DPP6: variants seen among roughly 807,000 people sequenced by gnomAD.
The protein encoded by DPP6 is dipeptidyl peptidase like 6, also known as A-type potassium channel modulatory protein DPP6.
In DPP6, 69 loss-of-function variants were observed where a neutral mutation model predicts 122.6. The observed-to-expected ratio is 0.56, with a 90% CI of 0.46 to 0.69. The LOEUF (loss-of-function observed/expected upper bound fraction) is 0.69. DPP6 is among the 30% of genes least tolerant of loss of function. The probability of loss-of-function intolerance (pLI) is 0.00; values close to 1 mark genes in which losing one functional copy is unlikely to be tolerated. For synonymous variants in DPP6, 418 were observed against 433.1 expected (o/e 0.97, Z 0.43); for missense variants, 928 against 1,116.9 (o/e 0.83, Z 2.41).
At chr7:154,772,698 G>C (rs1020295834) in intron 9 of DPP6, 147 bp from the exon 10 acceptor site, 6 of 1,112,720 alleles carry the variant, frequency 5.4e-6, no homozygotes, top group African/African-American at 1.6e-5. Flanking sequence ...TGAACCATTT[G>C]TTCTCCACAT....
intron 1 of DPP6, among the ~76,000 whole-genome samples, chr7:154,023,318 G>GCACGCACGCACGCACACA (rs373378162): frequency 6.9e-5 from 9 of 129,528 alleles, no homozygotes; most frequent in African/African-American, 2.6e-4. Flanking sequence ...TTTCTTGTCT[G>GCACGCACGCACGCACACA]CACACACACA....
intron 1 of DPP6, among the ~76,000 whole-genome samples, chr7:154,311,200 A>G (rs1471090697): frequency 2.6e-5 from 4 of 152,204 alleles, no homozygotes; most frequent in Non-Finnish European, 4.4e-5. Flanking sequence ...GTAGGTAACC[A>G]TGTCAATTTG....
chr7:154,484,668 T>C (rs1018986175), intron 3 of DPP6, among the ~76,000 whole-genome samples: 5 of 152,264 alleles, frequency 3.3e-5, no homozygotes, highest in Admixed American at 2.0e-4. Flanking sequence ...TGATAGACCA[T>C]GTGGCTGGCA....
At chr7:154,305,401 A>T in intron 1 of DPP6, 1 of 1,273,272 alleles carries the variant, frequency 7.9e-7, no homozygotes, top group Non-Finnish European at 1.0e-6. Context: ...GACTAAAATC[A>T]CACTCCTCCT....
At chr7:154,779,056 C>CACCACCAGCACCACT (rs1796820182) in intron 10 of DPP6, among the ~76,000 whole-genome samples, 15 of 2,984 alleles carry the variant, frequency 5.0e-3, no homozygotes, top group Non-Finnish European at 8.0e-3. Context: ...CTACCCCCAC[C>CACCACCAGCACCACT]ATCACCACCA....
chr7:154,516,461 A>G (rs1826518481), intron 3 of DPP6, among the ~76,000 whole-genome samples: 1 of 152,210 alleles, frequency 6.6e-6, no homozygotes, highest in South Asian at 2.1e-4. Flanking sequence ...GAAATTTCTC[A>G]CATGCACTGA....
chr7:154,415,819 C>G (rs185663921), intron 1 of DPP6, among the ~76,000 whole-genome samples: 2 of 150,936 alleles, frequency 1.3e-5, no homozygotes, highest in East Asian at 3.9e-4. Context: ...AGTTGGACAC[C>G]TCCTTTGAGG....
chr7:154,167,581 C>T (rs1044340423), intron 1 of DPP6, among the ~76,000 whole-genome samples: 3 of 152,184 alleles, frequency 2.0e-5, no homozygotes, highest in African/African-American at 4.8e-5. Flanking sequence ...AGCTCTCTTA[C>T]TTGGTTGGGA....
At chr7:154,185,460 G>T (rs1390013568) in intron 1 of DPP6, among the ~76,000 whole-genome samples, 1 of 152,082 alleles carries the variant, frequency 6.6e-6, no homozygotes, top group Non-Finnish European at 1.5e-5. Flanking sequence ...CAGTGCTTAG[G>T]GTCTAGAAAG....
intron 7 of DPP6, among the ~76,000 whole-genome samples, chr7:154,713,145 T>C (rs10268240): frequency 0.76 from 114,986 of 152,242 alleles, 45,506 homozygotes; most frequent in Non-Finnish European, 0.88. Flanking sequence ...GTTCCAAAAA[T>C]GTGTTTCACG....
intron 8 of DPP6, among the ~76,000 whole-genome samples, chr7:154,751,014 A>G (rs1469293318): frequency 2.6e-5 from 4 of 152,194 alleles, no homozygotes. Context: ...CTTTATCACT[A>G]TAAAATGTTG....
At chr7:154,706,501 T>G (rs1840837622) in intron 7 of DPP6, among the ~76,000 whole-genome samples, 1 of 152,278 alleles carries the variant, frequency 6.6e-6, no homozygotes, top group African/African-American at 2.4e-5. Context: ...AGTCAGCCCC[T>G]GGAGGCTCAG....
intron 1 of DPP6, among the ~76,000 whole-genome samples, chr7:154,301,207 A>G (rs370563595): frequency 1.5e-4 from 23 of 152,316 alleles, no homozygotes; most frequent in Admixed American, 5.9e-4. Context: ...CCACCGCTGC[A>G]GGTAGCTTGG....
intron 1 of DPP6, among the ~76,000 whole-genome samples, chr7:154,427,677 TTTC>T (rs1818025251): frequency 6.6e-6 from 1 of 152,236 alleles, no homozygotes; most frequent in Non-Finnish European, 1.5e-5. Context: ...TTGTTTTTTG[TTTC>T]TTCTGGGTGA....
At chr7:154,581,259 G>A (rs184876155) in intron 5 of DPP6, among the ~76,000 whole-genome samples, 3 of 152,134 alleles carry the variant, frequency 2.0e-5, no homozygotes, top group South Asian at 2.1e-4. Flanking sequence ...TTGTTTGATC[G>A]TGCACTTGGG....
chr7:153,777,243 C>T, the DPP6 span, among the ~76,000 whole-genome samples: 1 of 152,198 alleles, frequency 6.6e-6, no homozygotes, highest in Non-Finnish European at 1.5e-5. Flanking sequence ...AAGCTGACCA[C>T]ACAAAGTTCA....
intron 16 of DPP6, among the ~76,000 whole-genome samples, chr7:154,825,396 T>C (rs1005709397): frequency 6.6e-6 from 1 of 152,222 alleles, no homozygotes; most frequent in Non-Finnish European, 1.5e-5. Flanking sequence ...GCGTTCATAG[T>C]AATACATTTC....
At chr7:154,552,947 C>T (rs1829740471) in intron 4 of DPP6, among the ~76,000 whole-genome samples, 1 of 152,186 alleles carries the variant, frequency 6.6e-6, no homozygotes, top group South Asian at 2.1e-4. Flanking sequence ...TAATCAGCCA[C>T]ATCAACAATT....
intron 1 of DPP6, among the ~76,000 whole-genome samples, chr7:154,063,522 G>A (rs1195768027): frequency 7.9e-6 from 1 of 126,914 alleles, no homozygotes; most frequent in Admixed American, 8.1e-5. Context: ...CATCGCAGGA[G>A]GGGGAGGCAC....
Sources: allele counts gnomAD v4.1 joint callset (sites outside exome capture counted in the v4.1 genomes callset), GRCh38; gene constraint gnomAD v4.1.1; transcripts MANE v1.5; gene names NCBI Gene and HGNC (gene_info 2026-07-23, HGNC 2026-07-21).